ACYP2: variants seen among roughly 807,000 people sequenced by gnomAD.
The protein encoded by ACYP2 is acylphosphatase 2.
ACYP2 carries 12 observed loss-of-function variants against 11.2 expected under a neutral mutation model. That is an observed-to-expected ratio of 1.08 (90% CI 0.69 to 1.74). The LOEUF is 1.74. ACYP2 is among the 40% of genes most tolerant of loss of function. The pLI is 0.00. For missense variants in ACYP2, 134 were observed against 101.9 expected, an observed-to-expected ratio of 1.31 and a Z score of -1.35; for synonymous variants, 43 against 32.2, an observed-to-expected ratio of 1.33 and a Z score of -1.13.
chr2:54,006,815 G>T (rs961808738), intron 2 of ACYP2, among the ~76,000 whole-genome samples: 1 of 151,936 alleles, frequency 6.6e-6, no homozygotes, highest in African/African-American at 2.4e-5. Flanking sequence ...CTCCTAAGCA[G>T]TAAGGGTTAT....
At chr2:54,272,093 T>C (rs1688329975) in intron 6 of ACYP2, among the ~76,000 whole-genome samples, 1 of 152,206 alleles carries the variant, frequency 6.6e-6, no homozygotes, top group Non-Finnish European at 1.5e-5. Context: ...TCAAGCACCA[T>C]GCTAAACACT....
chr2:54,100,357 G>A (rs1678827256), intron 4 of ACYP2, among the ~76,000 whole-genome samples: 1 of 150,256 alleles, frequency 6.7e-6, no homozygotes, highest in South Asian at 2.1e-4. Flanking sequence ...GGCTGAAGTG[G>A]AGTGGCATGA....
chr2:54,294,570 T>A (rs1224115858), intron 6 of ACYP2, among the ~76,000 whole-genome samples: 3 of 152,076 alleles, frequency 2.0e-5, no homozygotes, highest in Non-Finnish European at 4.4e-5. Context: ...CTACCGTAAG[T>A]ATTAAGCCTT....
intron 2 of ACYP2, among the ~76,000 whole-genome samples, chr2:53,982,754 T>C (rs910754436): frequency 9.9e-5 from 15 of 152,058 alleles, no homozygotes; most frequent in Admixed American, 9.8e-4. Context: ...TTGGCACTGC[T>C]TCGACTCAAA....
In ACYP2 at chr2:54,004,404, CTTTTTTTTTTTTTT is replaced by C. The variant is rs1168703943; in HGVS notation, c.62+30605_62+30618del. On this transcript the variant is annotated intron_variant, in intron 2 of 6. Coordinates refer to ENST00000607452, the MANE Select transcript of ACYP2 (RefSeq NM_001320586.2). ...GAGGTGTCTGTTCAGGTAGTTTAGC[CTTTTTTTTTTTTTT>C]TTTTTTTTTTGAGACAGAGTCTCGC... Among the ~76,000 whole-genome samples, 50 of 92,086 alleles carry C rather than the reference CTTTTTTTTTTTTTT, an allele frequency of 5.4e-4. No individual in the cohort carries two copies. In the East Asian group the frequency reaches 0.014, roughly 25 times the overall value. The allele number at this position is 92,086 out of a possible 152,430, so 60.4% of individuals were successfully genotyped here. A position where few individuals can be genotyped will look rare whatever the true frequency, so the allele number is the denominator to read the frequency against.
At chr2:53,984,505 G>T (rs532460904) in intron 2 of ACYP2, among the ~76,000 whole-genome samples, 5 of 151,716 alleles carry the variant, frequency 3.3e-5, no homozygotes, top group African/African-American at 1.2e-4. Flanking sequence ...TGAACCGGGG[G>T]GGTGGGGGTT....
chr2:54,114,351 G>C (rs540429720), intron 4 of ACYP2, among the ~76,000 whole-genome samples: 88 of 146,174 alleles, frequency 6.0e-4, no homozygotes, highest in African/African-American at 2.1e-3. Context: ...CTAGGCAATT[G>C]GGATGTTGCT....
chr2:54,074,652 C>T (rs1429822285), intron 4 of ACYP2, among the ~76,000 whole-genome samples: 1 of 148,548 alleles, frequency 6.7e-6, no homozygotes, highest in African/African-American at 2.5e-5. Flanking sequence ...TCCAGAGAAA[C>T]AGAACAAACA....
intron 4 of ACYP2, among the ~76,000 whole-genome samples, chr2:54,081,856 C>T (rs990650116): frequency 2.0e-5 from 3 of 152,196 alleles, no homozygotes; most frequent in Non-Finnish European, 4.4e-5. Flanking sequence ...GGGATGGCCT[C>T]ACCGTCATGA....
chr2:54,279,903 T>C (rs188769217), intron 6 of ACYP2, among the ~76,000 whole-genome samples: 39 of 152,330 alleles, frequency 2.6e-4, no homozygotes, highest in South Asian at 1.7e-3. Flanking sequence ...GATTACAGAA[T>C]AGGTATCTAT....
chr2:54,159,396 C>T (rs1315068523), intron 6 of ACYP2, among the ~76,000 whole-genome samples: 2 of 143,810 alleles, frequency 1.4e-5, no homozygotes, highest in Non-Finnish European at 3.0e-5. Context: ...TTTAATGAGA[C>T]AGGGTCTGAC....
At chr2:54,008,402 G>C (rs1478671450) in intron 2 of ACYP2, among the ~76,000 whole-genome samples, 2 of 152,140 alleles carry the variant, frequency 1.3e-5, no homozygotes, top group Non-Finnish European at 2.9e-5. Context: ...AGGGACAGAG[G>C]TTGCCTCATG....
At chr2:54,153,061 T>C (rs1433503182) in intron 6 of ACYP2, among the ~76,000 whole-genome samples, 1 of 152,314 alleles carries the variant, frequency 6.6e-6, no homozygotes, top group South Asian at 2.1e-4. Flanking sequence ...TACACAGTTT[T>C]CCCCCTATGT....
chr2:54,288,245 A>G (rs1689161189), intron 6 of ACYP2, among the ~76,000 whole-genome samples: 1 of 152,022 alleles, frequency 6.6e-6, no homozygotes, highest in African/African-American at 2.4e-5. Flanking sequence ...AGAAACAGAA[A>G]CAGACTGTGT....
intron 4 of ACYP2, among the ~76,000 whole-genome samples, chr2:54,086,025 C>A (rs1219982059): frequency 6.6e-6 from 1 of 152,108 alleles, no homozygotes; most frequent in Non-Finnish European, 1.5e-5. Flanking sequence ...CTCACTGCAA[C>A]CTCCACCTTC....
At chr2:54,202,296 A>AT (rs1684872050) in intron 6 of ACYP2, among the ~76,000 whole-genome samples, 1 of 135,770 alleles carries the variant, frequency 7.4e-6, no homozygotes, top group East Asian at 2.2e-4. Context: ...TTCAGTAGAG[A>AT]CGGAGTTTCA....
intron 2 of ACYP2, among the ~76,000 whole-genome samples, chr2:54,037,479 C>T (rs1357690459): frequency 1.3e-5 from 2 of 152,032 alleles, no homozygotes; most frequent in African/African-American, 2.4e-5. Context: ...GGCACAATCA[C>T]GGCCCACTGC....
intron 6 of ACYP2, among the ~76,000 whole-genome samples, chr2:54,196,337 C>T (rs1410999934): frequency 5.9e-5 from 9 of 152,068 alleles, no homozygotes; most frequent in East Asian, 1.9e-4. Context: ...CTCAGCTTCC[C>T]GAGTAACTGG....
intron 4 of ACYP2, among the ~76,000 whole-genome samples, chr2:54,075,090 C>T (rs1178646728): frequency 6.6e-6 from 1 of 152,178 alleles, no homozygotes; most frequent in Non-Finnish European, 1.5e-5. Flanking sequence ...ATTGTTGATT[C>T]ACCTAAAAAG....
Sources: gnomAD v4.1 joint callset for allele counts (sites outside exome capture counted in the v4.1 genomes callset) on GRCh38, gnomAD v4.1.1 for gene constraint, MANE v1.5 for transcripts, NCBI Gene and HGNC (gene_info 2026-07-23, HGNC 2026-07-21) for gene names.